The following STAC variants were observed in gnomAD, a reference collection of about 807,000 sequenced individuals.
STAC encodes SH3 and cysteine-rich domain-containing protein.
In STAC, 43 loss-of-function variants were observed where a neutral mutation model predicts 48.8. The ratio of observed to expected loss-of-function variants is 0.88; its 90% CI spans 0.69 to 1.14. The LOEUF (loss-of-function observed/expected upper bound fraction) is 1.14, where lower values mean the gene tolerates loss of function less well. Among genes scored for constraint, STAC ranks in the 50% most tolerant of loss-of-function variants. The probability of loss-of-function intolerance (pLI) is 0.00; values close to 1 mark genes in which losing one functional copy is unlikely to be tolerated. For synonymous variants in STAC, 193 were observed against 179.5 expected, an observed-to-expected ratio of 1.07 and a Z score of -0.60; for missense variants, 497 against 504.0, an observed-to-expected ratio of 0.99 and a Z score of 0.13.
At chr3:36,411,616 GCATCTAAGCCC>G in intron 1 of STAC, among the ~76,000 whole-genome samples, 1 of 152,314 alleles carries the variant, frequency 6.6e-6, no homozygotes, top group East Asian at 1.9e-4. Flanking sequence ...TAAGACCATA[GCATCTAAGCCC>G]AGGAGAGACT....
At position 36,484,897 on chromosome 3, in the gene STAC, G is replaced by C. The variant is rs1027382883; in HGVS notation, c.490-80G>C. On this transcript the variant is annotated intron_variant, in intron 3 of 10. Coordinates refer to ENST00000273183, the MANE Select transcript of STAC (RefSeq NM_003149.3). The stretch of plus-strand genomic sequence containing the variant: ...GAGGGTGCTCCTGGAGAAACCAATT[G>C]GTTTTATTTAGGGAGCTCTTGTATG... 3.5e-6 allele frequency: 4 copies of C among 1,138,108 alleles called. No homozygotes were observed. The African/African-American group carries it at 4.8e-5, about 14-fold the overall frequency. The allele number at this position is 1,138,108 out of a possible 1,614,324, so 70.5% of individuals were successfully genotyped here. A position where few individuals can be genotyped will look rare whatever the true frequency, so the allele number is the denominator to read the frequency against.
intron 8 of STAC, among the ~76,000 whole-genome samples, chr3:36,528,101 T>C (rs923173987): frequency 6.6e-6 from 1 of 152,186 alleles, no homozygotes; most frequent in African/African-American, 2.4e-5. Flanking sequence ...AGGTAGATCA[T>C]GGGGCTGAGA....
chr3:36,447,655 A>C (rs914054513), intron 2 of STAC, among the ~76,000 whole-genome samples: 1 of 148,338 alleles, frequency 6.7e-6, no homozygotes, highest in African/African-American at 2.6e-5. Context: ...CACACCACAC[A>C]CACACACACA....
chr3:36,471,547 T>G (rs1274229553), intron 2 of STAC, among the ~76,000 whole-genome samples: 1 of 152,178 alleles, frequency 6.6e-6, no homozygotes, highest in Non-Finnish European at 1.5e-5. Flanking sequence ...CCTATGAGCC[T>G]GTAAAATCAA....
intron 2 of STAC, among the ~76,000 whole-genome samples, chr3:36,457,108 T>C (rs1450746832): frequency 6.6e-6 from 1 of 152,230 alleles, no homozygotes; most frequent in Non-Finnish European, 1.5e-5. Context: ...CTTTGTCTCA[T>C]TGGATTCATA....
At chr3:36,426,873 T>C (rs1409619710) in intron 1 of STAC, among the ~76,000 whole-genome samples, 1 of 142,730 alleles carries the variant, frequency 7.0e-6, no homozygotes, top group Non-Finnish European at 1.5e-5. Context: ...TCTCGACATT[T>C]TGTGAAGGTC....
At chr3:36,506,061 G>A (rs183435164) in intron 8 of STAC, 89 of 356,790 alleles carry the variant, frequency 2.5e-4, no homozygotes, top group African/African-American at 1.8e-3. Context: ...TTCCTAAGGA[G>A]TTCCCAGGTG....
chr3:36,504,542 A>T (rs2125713170), intron 7 of STAC, 85 bp downstream of exon 7: 4 of 1,129,892 alleles, frequency 3.5e-6, no homozygotes, highest in African/African-American at 3.1e-5. Context: ...TCATGAAATC[A>T]ATTTAGTGAG....
At chr3:36,509,943 C>T (rs530176417) in intron 8 of STAC, among the ~76,000 whole-genome samples, 7 of 152,058 alleles carry the variant, frequency 4.6e-5, no homozygotes, top group South Asian at 2.1e-4. Context: ...TGGCAACAAA[C>T]GTCAAAATTG....
rs140944855 is a variant in STAC at position 36,507,540 on chromosome 3, C to G, written c.920+1706C>G. 6.8e-3 allele frequency among the ~76,000 whole-genome samples: 1,034 copies of G among 152,306 alleles called. 11 individuals are homozygous for G. Among genetic ancestry groups the G allele is most frequent in the African/African-American group, 0.024 (985 of 41,560 alleles). On this transcript the variant is annotated intron_variant, in intron 8 of 10. Transcript: ENST00000273183. ...TGGTAGAATTCGGCTATGATTCCAT[C>G]TGGTCCTGGGCTTTTTTTGGTTGAT...
intron 2 of STAC, among the ~76,000 whole-genome samples, chr3:36,473,140 C>T (rs942613043): frequency 4.6e-5 from 7 of 152,278 alleles, no homozygotes; most frequent in African/African-American, 4.8e-5. Flanking sequence ...AAGCAGAAAC[C>T]CCTGATAAAC....
At position 36,380,621 on chromosome 3, in the gene STAC, A is replaced by C; in HGVS notation, c.-23A>C. ...AGCCTCGCTGTTCCTCCGGGAGCCC[A>C]ACACCGTTCCCGCGCGGCCACGATG... On this transcript the variant is annotated 5_prime_UTR_variant, in exon 1 of 11. Transcript: ENST00000273183. 2 of 1,552,516 alleles carry C rather than the reference A, an allele frequency of 1.3e-6. No individual in the cohort carries two copies. Among genetic ancestry groups the C allele is most frequent in the Non-Finnish European group, 1.7e-6 (2 of 1,143,150 alleles).
intron 6 of STAC, among the ~76,000 whole-genome samples, chr3:36,499,842 G>T (rs1393645712): frequency 2.0e-5 from 3 of 151,514 alleles, no homozygotes; most frequent in Non-Finnish European, 2.9e-5. Flanking sequence ...AAACCAAGGG[G>T]CAACCACAGG....
Position 36,546,257 on chromosome 3 carries a change from C to G in STAC, c.1177C>G (p.Leu393Val). 9.9e-6 allele frequency: 16 copies of G among 1,614,062 alleles called. No individual in the cohort carries two copies. Among genetic ancestry groups the G allele is most frequent in the Non-Finnish European group, 1.4e-5 (16 of 1,179,954 alleles). The change falls in exon 11 of 11, where the codon CTC becomes GTC. Residue 393 changes from leucine (L) to valine (V), a missense_variant. Physicochemically the swap from Leu to Val is conservative, Grantham distance 32. Transcript: ENST00000273183. ...AGTCCTCAGTGGAAAAAAGAAAGGC[C>G]TCATCCCCCTTGATGTACTAGAAAA... ...IRVLSGKKKGLIPLDVLENI is the reference protein window; with the variant it reads ...IRVLSGKKKGVIPLDVLENI
intron 5 of STAC, among the ~76,000 whole-genome samples, chr3:36,492,834 C>T (rs1398048283): frequency 6.6e-6 from 1 of 152,172 alleles, no homozygotes; most frequent in Non-Finnish European, 1.5e-5. Flanking sequence ...TATGGACAGG[C>T]ATTCTGATTT....
At chr3:36,414,362 A>C (rs139698146) in intron 1 of STAC, among the ~76,000 whole-genome samples, 3,533 of 151,708 alleles carry the variant, frequency 0.023, 61 homozygotes, top group East Asian at 0.026. Flanking sequence ...TTCTCGGAGG[A>C]TTTGTTTGTT....
chr3:36,486,138 T>C lies in STAC; in HGVS notation c.576T>C (p.Cys192=). 6.2e-7 allele frequency: 1 copy of C among 1,612,626 alleles called. No homozygotes were observed. Among genetic ancestry groups the C allele is most frequent in the East Asian group, 2.2e-5 (1 of 44,812 alleles). The change falls in exon 5 of 11, where the codon TGT becomes TGC. Residue 192 remains cysteine (C), a synonymous_variant. Transcript: ENST00000273183. The stretch of plus-strand genomic sequence containing the variant: ...GAACTTTCTCTTCTGTTGCAGCCTG[T>C]GGCAATAAGGTGGACCCTGTCTACG... ...GCIKEVMPIA[C]GNKVDPVYET...
At chr3:36,517,535 C>G (rs1698701995) in intron 8 of STAC, among the ~76,000 whole-genome samples, 1 of 152,058 alleles carries the variant, frequency 6.6e-6, no homozygotes, top group Admixed American at 6.6e-5. Context: ...ATACCTGTAG[C>G]CCTAGCTCTT....
Position 36,380,619 on chromosome 3 carries a change from C to T in STAC, c.-25C>T. 1.9e-6 allele frequency: 3 copies of T among 1,538,696 alleles called. No homozygotes were observed. Among genetic ancestry groups the T allele is most frequent in the Non-Finnish European group, 2.7e-6 (3 of 1,131,452 alleles). ...GAAGCCTCGCTGTTCCTCCGGGAGC[C>T]CAACACCGTTCCCGCGCGGCCACGA... is the stretch of plus-strand genomic sequence containing the variant. On this transcript the variant is annotated 5_prime_UTR_variant, in exon 1 of 11. Transcript: ENST00000273183.
Sources: allele counts gnomAD v4.1 joint callset (sites outside exome capture counted in the v4.1 genomes callset), GRCh38; gene constraint gnomAD v4.1.1; transcripts MANE v1.5; gene names NCBI Gene and HGNC (gene_info 2026-07-23, HGNC 2026-07-21).